SIN3B: variants seen among roughly 807,000 people sequenced by gnomAD.
SIN3B encodes SIN3 transcription regulator family member B.
In SIN3B, 19 loss-of-function variants were observed where a neutral mutation model predicts 120.2. The observed-to-expected ratio is 0.16, with a 90% CI of 0.11 to 0.23. The LOEUF (loss-of-function observed/expected upper bound fraction) is 0.23. Among genes scored for constraint, SIN3B ranks in the 10% least tolerant of loss-of-function variants. The probability of loss-of-function intolerance (pLI) is 1.00; values close to 1 mark genes in which losing one functional copy is unlikely to be tolerated. For missense variants in SIN3B, 1,073 were observed against 1,573.0 expected (o/e 0.68, Z 5.38); for synonymous variants, 654 against 653.2 (o/e 1.00, Z -0.02).
intron 5 of SIN3B, among the ~76,000 whole-genome samples, chr19:16,850,210 T>C (rs1377119083): frequency 6.6e-6 from 1 of 152,128 alleles, no homozygotes; most frequent in East Asian, 1.9e-4. Context: ...ATTATTATTA[T>C]GGTAAAAATA....
chr19:16,844,447 GT>G (rs1410718004), intron 4 of SIN3B, among the ~76,000 whole-genome samples: 1 of 152,172 alleles, frequency 6.6e-6, no homozygotes, highest in African/African-American at 2.4e-5. Flanking sequence ...GTTCAGTGAG[GT>G]TAACTGAGCA....
At chr19:16,833,527 G>T (rs1213400182) in intron 3 of SIN3B, among the ~76,000 whole-genome samples, 2 of 151,732 alleles carry the variant, frequency 1.3e-5, no homozygotes, top group South Asian at 4.2e-4. Flanking sequence ...AGCTACTTGG[G>T]AGGCTGAGGC....
chr19:16,868,045 C>T (rs1199136604), intron 12 of SIN3B, among the ~76,000 whole-genome samples: 1 of 152,188 alleles, frequency 6.6e-6, no homozygotes, highest in African/African-American at 2.4e-5. Context: ...CATGCAGGTC[C>T]TTGATGAATT....
intron 3 of SIN3B, among the ~76,000 whole-genome samples, chr19:16,836,640 G>A (rs977436494): frequency 1.2e-4 from 18 of 152,328 alleles, no homozygotes; most frequent in Admixed American, 5.9e-4. Context: ...CTTCTGGAAC[G>A]TCGCCAGGGA....
In SIN3B at chr19:16,878,127, ATCC is replaced by A; in HGVS notation, c.2955-49_2955-47del. 12 of 1,426,602 alleles carry A rather than the reference ATCC, an allele frequency of 8.4e-6. No homozygotes were observed. The South Asian group carries it at 1.6e-4, about 20-fold the overall frequency. The allele number at this position is 1,426,602 out of a possible 1,614,324, so 88.4% of individuals were successfully genotyped here. On this transcript the variant is annotated intron_variant, in intron 17 of 18. Coordinates refer to ENST00000248054, the MANE Select transcript of SIN3B (RefSeq NM_001297595.2). ...GGCCTGGGGGTTTCCCAGCCTGCAA[ATCC>A]TCCTCCCACAATGCCGAGAGCCAGA... is the stretch of plus-strand genomic sequence containing the variant.
intron 13 of SIN3B, among the ~76,000 whole-genome samples, chr19:16,870,794 T>G (rs1176698185): frequency 6.6e-6 from 1 of 152,154 alleles, no homozygotes; most frequent in Non-Finnish European, 1.5e-5. Flanking sequence ...GACCTTGTGA[T>G]CCACCTGCCT....
Position 16,869,454 on chromosome 19 carries a change from C to A in SIN3B, c.1807-6C>A. On this transcript the variant is annotated splice_region_variant and splice_polypyrimidine_tract_variant and intron_variant, in intron 12 of 18. Coordinates refer to ENST00000248054, the MANE Select transcript of SIN3B (RefSeq NM_001297595.2). ...TTCCACCTAATGGCCGCCCTTCCCC[C>A]CACAGCACCAGGAGCAGCACTCGGA... 1 of 1,599,394 alleles carries A rather than the reference C, an allele frequency of 6.3e-7. No individual in the cohort carries two copies. Among genetic ancestry groups the A allele is most frequent in the Non-Finnish European group, 8.5e-7 (1 of 1,169,616 alleles).
intron 11 of SIN3B, 32 bp from the exon 12 acceptor site, chr19:16,866,341 G>A (rs1315174473): frequency 6.3e-7 from 1 of 1,585,990 alleles, no homozygotes; most frequent in South Asian, 1.1e-5. Flanking sequence ...GCCCTGGCTT[G>A]TCCCTGGTGC....
Position 16,871,217 on chromosome 19 carries a change from G to A in SIN3B, c.2423-12G>A. The stretch of plus-strand genomic sequence containing the variant: ...CCAGGAGGCATATGGATGAGGCGGT[G>A]TGTCTCCGCAGGTGAAGTGGAGCTG... On this transcript the variant is annotated splice_polypyrimidine_tract_variant and intron_variant, in intron 13 of 18. Coordinates refer to ENST00000248054, the MANE Select transcript of SIN3B (RefSeq NM_001297595.2). The A allele has an allele frequency of 1.9e-6, 3 of 1,614,082 alleles. No homozygotes were observed. The highest frequency in any genetic ancestry group is 2.2e-5 in the South Asian group (2 of 91,084).
At chr19:16,832,080 C>T (rs1314803957) in intron 3 of SIN3B, among the ~76,000 whole-genome samples, 1 of 152,058 alleles carries the variant, frequency 6.6e-6, no homozygotes, top group Non-Finnish European at 1.5e-5. Flanking sequence ...GTGTGAGTAG[C>T]CACGTTTATG....
chr19:16,829,867 T>G lies in SIN3B; in HGVS notation c.197T>G (p.Leu66Arg). Residue 66 changes from leucine to arginine, a missense_variant, in exon 2 of 19, where the codon CTG becomes CGG. Leu to Arg is a moderately radical substitution (Grantham distance 102, BLOSUM62 -2). Coordinates refer to ENST00000248054, the MANE Select transcript of SIN3B (RefSeq NM_001297595.2). ...GACCCTGCCACCTACAACGGCTTCCTGGAGATCATGAAGGAGTTCAAAAGC... is the reference window on the plus strand; with the variant it reads ...GACCCTGCCACCTACAACGGCTTCCGGGAGATCATGAAGGAGTTCAAAAGC... ...GSDPATYNGF[L>R]EIMKEFKSQS... 1 of 1,613,422 alleles carries G rather than the reference T, an allele frequency of 6.2e-7. No individual in the cohort carries two copies. The highest frequency in any genetic ancestry group is 8.5e-7 in the Non-Finnish European group (1 of 1,179,610).
Position 16,878,887 on chromosome 19 carries a change from C to T in SIN3B, c.*160C>T. On this transcript the variant is annotated 3_prime_UTR_variant, in exon 19 of 19. Coordinates refer to ENST00000248054, the MANE Select transcript of SIN3B (RefSeq NM_001297595.2). ...GGGCAGGACGCCGCCCCCGTGGCTC[C>T]CGGTCTCCTGTGGGCCTGCTGTGTG... is the stretch of plus-strand genomic sequence containing the variant. 2 of 692,732 alleles carry T rather than the reference C, an allele frequency of 2.9e-6. No individual in the cohort carries two copies. Among genetic ancestry groups the T allele is most frequent in the Non-Finnish European group, 4.7e-6 (2 of 421,652 alleles). 42.9% of individuals were successfully genotyped at this position (692,732 alleles called of 1,614,324 possible).
intron 8 of SIN3B, among the ~76,000 whole-genome samples, chr19:16,857,515 A>ATTGTGTGTG (rs1555742137): frequency 1.6e-5 from 1 of 62,162 alleles, no homozygotes; most frequent in African/African-American, 6.5e-5. Flanking sequence ...CTTAAAAAAA[A>ATTGTGTGTG]TATGTGTGTG....
Position 16,871,204 on chromosome 19 carries a change from T to A in SIN3B, c.2423-25T>A. The stretch of plus-strand genomic sequence containing the variant: ...GACTTTGCGCTCTCCAGGAGGCATA[T>A]GGATGAGGCGGTGTGTCTCCGCAGG... On this transcript the variant is annotated intron_variant, in intron 13 of 18. Transcript: ENST00000248054. The A allele has an allele frequency of 1.9e-6, 3 of 1,613,896 alleles. No homozygotes were observed. The South Asian group carries it at 3.3e-5, about 18-fold the overall frequency.
intron 4 of SIN3B, among the ~76,000 whole-genome samples, chr19:16,844,894 G>A (rs1446633336): frequency 6.6e-6 from 1 of 152,158 alleles, no homozygotes; most frequent in East Asian, 1.9e-4. Flanking sequence ...CCTCAGATGG[G>A]GACAGGGCTG....
At chr19:16,839,111 G>A (rs1971385243) in intron 3 of SIN3B, among the ~76,000 whole-genome samples, 2 of 151,452 alleles carry the variant, frequency 1.3e-5, no homozygotes, top group South Asian at 4.2e-4. Flanking sequence ...GGGTCTATAG[G>A]TGCACACCAC....
chr19:16,843,038 G>A (rs1463067003), intron 4 of SIN3B, among the ~76,000 whole-genome samples: 1 of 152,310 alleles, frequency 6.6e-6, no homozygotes, highest in Non-Finnish European at 1.5e-5. Context: ...GGGCTTAGAC[G>A]TCCTCTTCAC....
rs2051598950 is a variant in SIN3B at position 16,875,953 on chromosome 19, C to G, written c.2593-102C>G. The G allele has an allele frequency of 2.2e-6, 3 of 1,354,498 alleles. No individual in the cohort carries two copies. The African/African-American group carries it at 4.3e-5, about 20-fold the overall frequency. The allele number at this position is 1,354,498 out of a possible 1,614,324, so 83.9% of individuals were successfully genotyped here. A position where few individuals can be genotyped will look rare whatever the true frequency, so the allele number is the denominator to read the frequency against. ...TCTTCATCCCTGTGTCATGCACTCT[C>G]CATCCTGATGTGTTTCTGGCCTTTG... On this transcript the variant is annotated intron_variant, in intron 14 of 18. Transcript: ENST00000248054.
chr19:16,861,636 G>A (rs1167416128), intron 8 of SIN3B, among the ~76,000 whole-genome samples: 2 of 152,134 alleles, frequency 1.3e-5, no homozygotes, highest in Non-Finnish European at 2.9e-5. Flanking sequence ...GGTGGTGCAT[G>A]CCTGTAGTCC....
Sources: allele counts gnomAD v4.1 joint callset (sites outside exome capture counted in the v4.1 genomes callset), GRCh38; gene constraint gnomAD v4.1.1; transcripts MANE v1.5; gene names NCBI Gene and HGNC (gene_info 2026-07-23, HGNC 2026-07-21).